KLHL42: variants seen among roughly 807,000 people sequenced by gnomAD.
The protein encoded by KLHL42 is kelch-like protein 42.
In KLHL42, 27 loss-of-function variants were observed where a neutral mutation model predicts 32.7. That is an observed-to-expected ratio of 0.83 (90% CI 0.61 to 1.14). KLHL42 has a LOEUF of 1.14. KLHL42 is among the 50% of genes most tolerant of loss of function. The pLI, the probability that KLHL42 is intolerant of heterozygous loss-of-function variation, is 0.00. For missense variants in KLHL42, 491 were observed against 560.8 expected, an observed-to-expected ratio of 0.88 and a Z score of 1.26; for synonymous variants, 267 against 248.2, an observed-to-expected ratio of 1.08 and a Z score of -0.71.
At chr12:27,793,714 C>T (rs759409353) in intron 2 of KLHL42, among the ~76,000 whole-genome samples, 2 of 152,198 alleles carry the variant, frequency 1.3e-5, no homozygotes, top group African/African-American at 4.8e-5. Flanking sequence ...GTCTGTGTGA[C>T]TCTATGGAGC....
At chr12:27,783,411 GA>G (rs1381793410) in intron 1 of KLHL42, among the ~76,000 whole-genome samples, 4 of 152,072 alleles carry the variant, frequency 2.6e-5, no homozygotes, top group African/African-American at 9.7e-5. Flanking sequence ...AACAATAGGG[GA>G]AAAGTGTTTA....
At chr12:27,792,771 C>CCTTA (rs2062203054) in intron 2 of KLHL42, among the ~76,000 whole-genome samples, 1 of 152,214 alleles carries the variant, frequency 6.6e-6, no homozygotes, top group South Asian at 2.1e-4. Flanking sequence ...GATCCACCTG[C>CCTTA]CTTAGCCTCC....
chr12:27,792,115 C>T (rs757928618), intron 2 of KLHL42: 3 of 385,722 alleles, frequency 7.8e-6, no homozygotes, highest in South Asian at 6.6e-5. Flanking sequence ...GCATGAAAAT[C>T]GAATGGGGAA....
chr12:27,780,312 C>G lies in KLHL42; in HGVS notation c.-19C>G, dbSNP rs749872535. The G allele has an allele frequency of 2.6e-6, 4 of 1,543,264 alleles. No individual in the cohort carries two copies. The highest frequency in any genetic ancestry group is 2.6e-5 in the East Asian group (1 of 37,780). ...GCGCAGATCTGGCGGTGAGCGCTGC[C>G]GCCCCGGGGCCCCCAGCCATGTCGG... On this transcript the variant is annotated 5_prime_UTR_variant, in exon 1 of 3. Transcript: ENST00000381271. The surrounding 1 kb of genome is among the most constrained non-coding windows in gnomAD (Gnocchi z 8.8).
At position 27,801,203 on chromosome 12, in the gene KLHL42, A is replaced by AT. The variant is rs35330553; in HGVS notation, c.*3050dup. The AT allele has an allele frequency of 0.17, 24,830 of 148,218 alleles. 2,419 individuals carry two copies. The highest frequency in any genetic ancestry group is 0.22 in the Non-Finnish European group (14,935 of 66,676). 9.2% of individuals were successfully genotyped at this position (148,218 alleles called of 1,614,324 possible). On this transcript the variant is annotated 3_prime_UTR_variant, in exon 3 of 3. Transcript: ENST00000381271. Reference sequence around the variant, plus strand: ...GAACCAAAGAGAATTTAACCCTGCCATTTTTTTTTTTTTAACACCAAGATC... The same window carrying AT: ...GAACCAAAGAGAATTTAACCCTGCCATTTTTTTTTTTTTTAACACCAAGATC...
At chr12:27,788,280 C>G (rs188481961) in intron 1 of KLHL42, 2 of 152,240 alleles carry the variant, frequency 1.3e-5, no homozygotes, top group Admixed American at 1.3e-4. Flanking sequence ...TACTCTGGGT[C>G]AGGTATTGTA....
chr12:27,792,155 C>A (rs1163118892), intron 2 of KLHL42: 1 of 263,096 alleles, frequency 3.8e-6, no homozygotes, highest in East Asian at 7.6e-5. Context: ...AATGTTATCT[C>A]TTTTTTTTTG....
At position 27,780,745 on chromosome 12, in the gene KLHL42, G is replaced by T. The variant is rs1230688952; in HGVS notation, c.415G>T (p.Val139Leu). Reference sequence around the variant, plus strand: ...CCTGGAGATGTACCGCCTGGCGCAGGTGTACGGGCTGCCCGACCTGCAGGA... The same window carrying T: ...CCTGGAGATGTACCGCCTGGCGCAGTTGTACGGGCTGCCCGACCTGCAGGA... Reference protein sequence around the residue: ...NCLEMYRLAQVYGLPDLQEAC... With the variant: ...NCLEMYRLAQLYGLPDLQEAC... Residue 139 changes from valine to leucine, a missense_variant, in exon 1 of 3, where the codon GTG becomes TTG. Around this residue, in one of 4 missense-constraint regions of KLHL42, gnomAD observed 248 missense variants for 329.2 expected, o/e 0.75. Coordinates refer to ENST00000381271, the MANE Select transcript of KLHL42 (RefSeq NM_020782.2). This position sits in a 1 kb window ranked among gnomAD's most constrained non-coding sequence, Gnocchi z 8.8. 1.2e-6 allele frequency: 2 copies of T among 1,613,394 alleles called. No homozygotes were observed. The highest frequency in any genetic ancestry group is 3.3e-5 in the Admixed American group (2 of 60,034).
In KLHL42 at chr12:27,802,847, T is replaced by C. The variant is rs2062254444; in HGVS notation, c.*4681T>C. 1 of 152,504 alleles carries C rather than the reference T, an allele frequency of 6.6e-6. No individual in the cohort carries two copies. Among genetic ancestry groups the C allele is most frequent in the Non-Finnish European group, 1.5e-5 (1 of 68,046 alleles). 9.4% of individuals were successfully genotyped at this position (152,504 alleles called of 1,614,324 possible). ...TGATAATCTGTAGAATGAATAGTTATGTTTTGATATGACTGATACTTTCTT... is the reference window on the plus strand; with the variant it reads ...TGATAATCTGTAGAATGAATAGTTACGTTTTGATATGACTGATACTTTCTT... On this transcript the variant is annotated 3_prime_UTR_variant, in exon 3 of 3. Transcript: ENST00000381271.
At position 27,780,850 on chromosome 12, in the gene KLHL42, C is replaced by G; in HGVS notation, c.520C>G (p.Gln174Glu). Residue 174 changes from glutamine to glutamate, a missense_variant, in exon 1 of 3, where the codon CAA becomes GAA. Gln to Glu is a conservative substitution (Grantham distance 29, BLOSUM62 2). Transcript: ENST00000381271. This position sits in a 1 kb window ranked among gnomAD's most constrained non-coding sequence, Gnocchi z 8.8. ...GTTCCACCTCCTGGGGTCTCCTCCCCAAGCTCCAGGGGATGTCAGCCTGAA... is the reference window on the plus strand; with the variant it reads ...GTTCCACCTCCTGGGGTCTCCTCCCGAAGCTCCAGGGGATGTCAGCCTGAA... ...PQFHLLGSPPQAPGDVSLKQR... is the reference protein window; with the variant it reads ...PQFHLLGSPPEAPGDVSLKQR... The G allele has an allele frequency of 6.2e-7, 1 of 1,613,906 alleles. No homozygotes were observed. Among genetic ancestry groups the G allele is most frequent in the South Asian group, 1.1e-5 (1 of 91,086 alleles).
intron 1 of KLHL42, among the ~76,000 whole-genome samples, chr12:27,786,484 A>G (rs1488802858): frequency 2.0e-5 from 3 of 152,224 alleles, no homozygotes; most frequent in Non-Finnish European, 4.4e-5. Context: ...CATCCAATAC[A>G]GGTTATGCAT....
intron 1 of KLHL42, among the ~76,000 whole-genome samples, chr12:27,788,402 C>T (rs956592331): frequency 1.3e-5 from 2 of 152,116 alleles, no homozygotes; most frequent in African/African-American, 4.8e-5. Flanking sequence ...GTTTAATTAC[C>T]TTCCACATAA....
In KLHL42 at chr12:27,797,855, C is replaced by A; in HGVS notation, c.1207C>A (p.Leu403Met). Residue 403 changes from leucine (L) to methionine (M), a missense_variant, in exon 3 of 3, where the codon CTG becomes ATG. Physicochemically the swap from Leu to Met is conservative, Grantham distance 15. This residue lies in a region of KLHL42 where 152 missense variants were observed against 125.9 expected (regional missense o/e 1.21). Coordinates refer to ENST00000381271, the MANE Select transcript of KLHL42 (RefSeq NM_020782.2). ...CATCGTGGGGGGGTGTCTCCACGAGCTGGGGCCCAACCGCAGGAGCAGCCA... is the reference window on the plus strand; with the variant it reads ...CATCGTGGGGGGGTGTCTCCACGAGATGGGGCCCAACCGCAGGAGCAGCCA... ...IYIVGGCLHE[L>M]GPNRRSSQSE... 2 of 780,240 alleles carry A rather than the reference C, an allele frequency of 2.6e-6. No individual in the cohort carries two copies. Among genetic ancestry groups the A allele is most frequent in the Non-Finnish European group, 4.8e-6 (2 of 417,476 alleles). The allele number at this position is 780,240 out of a possible 1,614,324, so 48.3% of individuals were successfully genotyped here.
Position 27,800,046 on chromosome 12 carries a change from C to T in KLHL42, c.*1880C>T. Reference sequence around the variant, plus strand: ...AATTTCATTACATATATTTTAAAATCTATTTATTTTAGATGGTGTTAACTT... The same window carrying T: ...AATTTCATTACATATATTTTAAAATTTATTTATTTTAGATGGTGTTAACTT... On this transcript the variant is annotated 3_prime_UTR_variant, in exon 3 of 3. Transcript: ENST00000381271. The T allele has an allele frequency of 2.1e-6, 2 of 952,142 alleles. No homozygotes were observed. The highest frequency in any genetic ancestry group is 2.5e-6 in the Non-Finnish European group (2 of 799,724). The allele number at this position is 952,142 out of a possible 1,614,324, so 59.0% of individuals were successfully genotyped here. A position where few individuals can be genotyped will look rare whatever the true frequency, so the allele number is the denominator to read the frequency against.
intron 1 of KLHL42, among the ~76,000 whole-genome samples, chr12:27,786,430 A>G (rs1357649188): frequency 6.6e-6 from 1 of 152,206 alleles, no homozygotes; most frequent in Non-Finnish European, 1.5e-5. Flanking sequence ...AGGTGATGAG[A>G]CAAGTAAAAA....
intron 1 of KLHL42, among the ~76,000 whole-genome samples, chr12:27,789,367 A>G (rs1274532249): frequency 6.6e-6 from 1 of 152,212 alleles, no homozygotes; most frequent in Non-Finnish European, 1.5e-5. Flanking sequence ...CTTTAGCAGT[A>G]TGCCTCTTTA....
rs1486886449 is a variant in KLHL42 at position 27,781,043 on chromosome 12, C to G, written c.713C>G (p.Pro238Arg). ...RWFPLANNLP[P>R]DLVNVRGYGS... Reference sequence around the variant, plus strand: ...TTCCCGCTGGCCAACAACCTTCCTCCCGACCTGGTCAATGTCAGGGGCTAT... The same window carrying G: ...TTCCCGCTGGCCAACAACCTTCCTCGCGACCTGGTCAATGTCAGGGGCTAT... The change falls in exon 1 of 3, where the codon CCC becomes CGC. Residue 238 changes from proline to arginine, a missense_variant. By Grantham distance (103) the Pro-to-Arg change is moderately radical. Coordinates refer to ENST00000381271, the MANE Select transcript of KLHL42 (RefSeq NM_020782.2). 5 of 1,613,664 alleles carry G rather than the reference C, an allele frequency of 3.1e-6. No individual in the cohort carries two copies. In the Admixed American group the frequency reaches 8.3e-5, roughly 27 times the overall value.
chr12:27,781,991 C>A (rs746054695), intron 1 of KLHL42, among the ~76,000 whole-genome samples: 1 of 152,176 alleles, frequency 6.6e-6, no homozygotes, highest in Non-Finnish European at 1.5e-5. Flanking sequence ...AGAGCATATA[C>A]AGGAAGAGAT....
rs981843613 is a variant in KLHL42, at chr12:27,799,223, G to A, written c.*1057G>A. On this transcript the variant is annotated 3_prime_UTR_variant, in exon 3 of 3. Coordinates refer to ENST00000381271, the MANE Select transcript of KLHL42 (RefSeq NM_020782.2). The stretch of plus-strand genomic sequence containing the variant: ...GTGAGGGGAAGAAGCTGTTACAGAA[G>A]TGGAATGGTTTCTGGTGGTATTTCT... The A allele has an allele frequency of 3.9e-5, 6 of 152,222 alleles. No individual in the cohort carries two copies. Among genetic ancestry groups the A allele is most frequent in the Admixed American group, 2.0e-4 (3 of 15,280 alleles). 9.4% of individuals were successfully genotyped at this position (152,222 alleles called of 1,614,324 possible). A position where few individuals can be genotyped will look rare whatever the true frequency, so the allele number is the denominator to read the frequency against.
Sources: gnomAD v4.1 joint callset for allele counts (sites outside exome capture counted in the v4.1 genomes callset) on GRCh38, gnomAD v4.1.1 for gene constraint, gnomAD v4.1.1 regional missense constraint, Gnocchi (gnomAD v3.1) non-coding constraint, MANE v1.5 for transcripts, NCBI Gene and HGNC (gene_info 2026-07-23, HGNC 2026-07-21) for gene names.